PARD6G: variants seen among roughly 807,000 people sequenced by gnomAD.
PARD6G encodes par-6 family cell polarity regulator gamma.
PARD6G carries 7 observed loss-of-function variants against 10.7 expected under a neutral mutation model. That is an observed-to-expected ratio of 0.66 (90% confidence interval 0.37 to 1.23). The LOEUF is 1.23. PARD6G is among the 50% of genes most tolerant of loss of function. The pLI, the probability that PARD6G is intolerant of heterozygous loss-of-function variation, is 0.02. For missense variants in PARD6G, 548 were observed against 571.8 expected (o/e 0.96, Z 0.42); for synonymous variants, 287 against 269.4 (o/e 1.07, Z -0.64).
chr18:80,219,202 G>GGGTT (rs1173495432), intron 1 of PARD6G, among the ~76,000 whole-genome samples: 6 of 74,164 alleles, frequency 8.1e-5, no homozygotes, highest in Admixed American at 1.7e-4. Context: ...CCAGAAAATA[G>GGGTT]GGTTTGTTTG....
chr18:80,226,717 G>C (rs2145298499), intron 1 of PARD6G, among the ~76,000 whole-genome samples: 1 of 152,248 alleles, frequency 6.6e-6, no homozygotes, highest in African/African-American at 2.4e-5. Context: ...TGTGCCCCCA[G>C]AGATGTGACA....
chr18:80,213,641 G>A (rs1287137464), intron 1 of PARD6G, among the ~76,000 whole-genome samples: 1 of 152,180 alleles, frequency 6.6e-6, no homozygotes. Context: ...AAACCCTTGA[G>A]AAGGAAAGGT....
At chr18:80,169,478 G>A (rs926046829) in intron 2 of PARD6G, 1 of 152,396 alleles carries the variant, frequency 6.6e-6, no homozygotes, top group African/African-American at 2.4e-5. Flanking sequence ...CACCCCCTCA[G>A]CGGCCCCTCT....
chr18:80,169,922 GA>G, intron 2 of PARD6G: 1 of 152,420 alleles, frequency 6.6e-6, no homozygotes, highest in Non-Finnish European at 1.5e-5. Flanking sequence ...AGGAAGGAAG[GA>G]AGGAGGGAAG....
At chr18:80,226,472 G>A (rs1967294671) in intron 1 of PARD6G, among the ~76,000 whole-genome samples, 1 of 152,114 alleles carries the variant, frequency 6.6e-6, no homozygotes, top group African/African-American at 2.4e-5. Flanking sequence ...CTTTTAATGT[G>A]CCCTTCTAGA....
Position 80,198,991 on chromosome 18 carries a change from C to T in PARD6G, c.295+3719G>A, listed in dbSNP as rs540453491. On this transcript the variant is annotated intron_variant, in intron 2 of 2. Transcript: ENST00000353265. ...CTAGTTCTAGAACATTTCTATCACT[C>T]CAGAAAGAAACCCCCTCCCTCCCAA... 3.6e-4 allele frequency among the ~76,000 whole-genome samples: 55 copies of T among 152,296 alleles called. 1 individual carries two copies. In the South Asian group the frequency reaches 0.011, roughly 30 times the overall value.
intron 1 of PARD6G, among the ~76,000 whole-genome samples, chr18:80,205,970 G>A (rs1193242805): frequency 6.6e-6 from 1 of 152,218 alleles, no homozygotes; most frequent in Admixed American, 6.5e-5. Context: ...AAGGGATACA[G>A]CTCACTTTCA....
At chr18:80,218,599 C>A (rs183203876) in intron 1 of PARD6G, among the ~76,000 whole-genome samples, 1 of 152,064 alleles carries the variant, frequency 6.6e-6, no homozygotes, top group Non-Finnish European at 1.5e-5. Flanking sequence ...CTTTTCCAGG[C>A]GCACAGTGCA....
chr18:80,247,154 C>G lies in PARD6G; in HGVS notation c.72+123G>C, dbSNP rs1301957347. The G allele has an allele frequency of 7.6e-6, 5 of 659,610 alleles. No individual in the cohort carries two copies. The highest frequency in any genetic ancestry group is 1.1e-5 in the Non-Finnish European group (5 of 436,968). 40.9% of individuals were successfully genotyped at this position (659,610 alleles called of 1,614,324 possible). A position where few individuals can be genotyped will look rare whatever the true frequency, so the allele number is the denominator to read the frequency against. On this transcript the variant is annotated intron_variant, in intron 1 of 2. Coordinates refer to ENST00000353265, the MANE Select transcript of PARD6G (RefSeq NM_032510.4). This position sits in a 1 kb window ranked among gnomAD's most constrained non-coding sequence, Gnocchi z 4.2. Reference sequence around the variant, plus strand: ...GTCCCGCGGAGCGGCGCGCGGCGCCCGAACTGGAAAGTTGTCGCCGGCGCC... The same window carrying G: ...GTCCCGCGGAGCGGCGCGCGGCGCCGGAACTGGAAAGTTGTCGCCGGCGCC...
intron 2 of PARD6G, among the ~76,000 whole-genome samples, chr18:80,177,876 CCCA>C (rs2145259685): frequency 6.6e-6 from 1 of 151,140 alleles, no homozygotes; most frequent in Non-Finnish European, 1.5e-5. Flanking sequence ...TGCACACACA[CCCA>C]CCACACATGC....
rs1007061300 is a variant in PARD6G at position 80,160,293 on chromosome 18, C to T, written c.609G>A (p.Leu203=). The T allele has an allele frequency of 3.7e-6, 6 of 1,612,362 alleles. No individual in the cohort carries two copies. The highest frequency in any genetic ancestry group is 1.7e-5 in the Admixed American group (1 of 60,008). ...IFISRMVPGG[L]AESTGLLAVN... is the part of the protein sequence containing the mutation. Reference sequence around the variant, plus strand: ...CAGCCAGCAGCCCGGTGCTCTCCGCCAGGCCCCCGGGTACCATGCGCGAGA... The same window carrying T: ...CAGCCAGCAGCCCGGTGCTCTCCGCTAGGCCCCCGGGTACCATGCGCGAGA... Residue 203 remains leucine, a synonymous_variant, in exon 3 of 3, where the codon CTG becomes CTA. Coordinates refer to ENST00000353265, the MANE Select transcript of PARD6G (RefSeq NM_032510.4).
intron 1 of PARD6G, among the ~76,000 whole-genome samples, chr18:80,205,249 T>G (rs1967044728): frequency 6.6e-6 from 1 of 152,234 alleles, no homozygotes. Context: ...ATGTAGGCGA[T>G]GCAGATTCTT....
intron 1 of PARD6G, among the ~76,000 whole-genome samples, chr18:80,209,535 G>A (rs187223785): frequency 4.7e-4 from 72 of 152,300 alleles, no homozygotes; most frequent in African/African-American, 1.7e-3. Context: ...ATCTGGCTAG[G>A]TGTGGTGGCT....
intron 1 of PARD6G, among the ~76,000 whole-genome samples, chr18:80,212,973 G>A (rs373344745): frequency 1.3e-5 from 2 of 152,036 alleles, no homozygotes; most frequent in African/African-American, 4.8e-5. Context: ...AAATATTTGG[G>A]GTCTTTATTT....
intron 2 of PARD6G, among the ~76,000 whole-genome samples, chr18:80,164,528 G>T (rs1481163493): frequency 6.6e-6 from 1 of 152,204 alleles, no homozygotes; most frequent in African/African-American, 2.4e-5. Context: ...AAACTGGGGG[G>T]TCCTGGGCCT....
chr18:80,219,729 C>G (rs1474677250), intron 1 of PARD6G, among the ~76,000 whole-genome samples: 1 of 152,156 alleles, frequency 6.6e-6, no homozygotes, highest in Non-Finnish European at 1.5e-5. Flanking sequence ...AGTTCCTAAT[C>G]TCCATCTGAG....
chr18:80,195,524 A>G (rs1966943475), intron 2 of PARD6G, among the ~76,000 whole-genome samples: 1 of 107,846 alleles, frequency 9.3e-6, no homozygotes, highest in African/African-American at 3.1e-5. Flanking sequence ...TTCCTGTCCC[A>G]CACAATAAGA....
chr18:80,165,031 G>A (rs1362163616), intron 2 of PARD6G, among the ~76,000 whole-genome samples: 1 of 152,216 alleles, frequency 6.6e-6, no homozygotes, highest in African/African-American at 2.4e-5. Context: ...ATGTTCAGCA[G>A]TGCACATATT....
At chr18:80,170,129 T>G (rs1459093846) in intron 2 of PARD6G, 1 of 152,234 alleles carries the variant, frequency 6.6e-6, no homozygotes, top group Non-Finnish European at 1.5e-5. Context: ...GCAGAAGAAC[T>G]ACACCACTGG....
Sources: allele counts gnomAD v4.1 joint callset (sites outside exome capture counted in the v4.1 genomes callset), GRCh38; gene constraint gnomAD v4.1.1; non-coding constraint Gnocchi (gnomAD v3.1); transcripts MANE v1.5; gene names NCBI Gene and HGNC (gene_info 2026-07-23, HGNC 2026-07-21).